MARCHF1: variants seen among roughly 807,000 people sequenced by gnomAD.
The protein encoded by MARCHF1 is E3 ubiquitin-protein ligase MARCHF1.
MARCHF1 carries 40 observed loss-of-function variants against 54.2 expected under a neutral mutation model. The observed-to-expected ratio is 0.74, with a 90% CI of 0.57 to 0.96. MARCHF1 has a LOEUF of 0.96. Ranked by LOEUF, MARCHF1 falls within the 40% of genes least tolerant of loss-of-function variation. The probability of loss-of-function intolerance (pLI) is 0.00; values close to 1 mark genes in which losing one functional copy is unlikely to be tolerated. For missense variants in MARCHF1, 586 were observed against 656.5 expected, an observed-to-expected ratio of 0.89 and a Z score of 1.17; for synonymous variants, 236 against 236.3, an observed-to-expected ratio of 1.00 and a Z score of 0.01.
intron 1 of MARCHF1, among the ~76,000 whole-genome samples, chr4:164,216,009 C>T (rs552184932): frequency 2.0e-5 from 3 of 152,288 alleles, no homozygotes; most frequent in African/African-American, 7.2e-5. Flanking sequence ...TAGGTTCTCA[C>T]ATAATGCCTA....
At chr4:164,302,906 A>G (rs1734600825) in intron 1 of MARCHF1, among the ~76,000 whole-genome samples, 1 of 148,846 alleles carries the variant, frequency 6.7e-6, no homozygotes, top group Non-Finnish European at 1.5e-5. Flanking sequence ...TCTATTTCGC[A>G]TGCTATTAAA....
At chr4:163,585,358 T>TA (rs1740374037) in intron 8 of MARCHF1, 2 of 153,588 alleles carry the variant, frequency 1.3e-5, no homozygotes, top group Non-Finnish European at 2.9e-5. Flanking sequence ...TGATGTTGTT[T>TA]AAGGCAATGT....
intron 3 of MARCHF1, among the ~76,000 whole-genome samples, chr4:163,986,818 C>T (rs948892407): frequency 3.9e-5 from 6 of 152,170 alleles, no homozygotes; most frequent in Non-Finnish European, 5.9e-5. Flanking sequence ...TAAGCCATCT[C>T]AATTTATCTA....
chr4:163,918,126 C>G (rs1751349833), intron 3 of MARCHF1, among the ~76,000 whole-genome samples: 1 of 152,122 alleles, frequency 6.6e-6, no homozygotes, highest in Non-Finnish European at 1.5e-5. Flanking sequence ...AGCCAGTTCT[C>G]CCAGCATCAT....
chr4:164,194,755 T>G (rs1166541332), intron 1 of MARCHF1, among the ~76,000 whole-genome samples: 1 of 152,170 alleles, frequency 6.6e-6, no homozygotes, highest in Non-Finnish European at 1.5e-5. Flanking sequence ...TCAGAAATTC[T>G]AAAGTAAATT....
intron 8 of MARCHF1, among the ~76,000 whole-genome samples, chr4:163,552,054 C>T (rs1383488827): frequency 6.6e-6 from 1 of 152,126 alleles, no homozygotes; most frequent in East Asian, 1.9e-4. Context: ...CTCTGTGAGT[C>T]TATCATTTCC....
rs11345775 is a variant in MARCHF1, at chr4:164,256,432, TAA to T, written c.-323+127436_-323+127437del. The stretch of plus-strand genomic sequence containing the variant: ...GAACTAACTTGTAGCACAAGAAGCT[TAA>T]AAAAAAAAAAAAAAGAAAGAAAAGA... On this transcript the variant is annotated intron_variant, in intron 1 of 9. Coordinates refer to ENST00000514618, the MANE Select transcript of MARCHF1 (RefSeq NM_001394959.1). 6.3e-3 allele frequency among the ~76,000 whole-genome samples: 767 copies of T among 121,814 alleles called. 6 individuals are homozygous for T. Among genetic ancestry groups the T allele is most frequent in the South Asian group, 0.019 (74 of 3,808 alleles). 79.9% of individuals were successfully genotyped at this position (121,814 alleles called of 152,430 possible). A position where few individuals can be genotyped will look rare whatever the true frequency, so the allele number is the denominator to read the frequency against.
At chr4:164,151,307 G>T (rs1054488885) in intron 1 of MARCHF1, among the ~76,000 whole-genome samples, 2 of 152,160 alleles carry the variant, frequency 1.3e-5, no homozygotes, top group African/African-American at 2.4e-5. Context: ...AAGATTGGTT[G>T]CAAGTCCATT....
At chr4:164,108,478 G>A (rs1472479406) in intron 2 of MARCHF1, among the ~76,000 whole-genome samples, 1 of 151,804 alleles carries the variant, frequency 6.6e-6, no homozygotes, top group Non-Finnish European at 1.5e-5. Context: ...AGTTTAAGGT[G>A]TTGTGAAAGA....
chr4:164,092,628 CA>C (rs2111136177), intron 2 of MARCHF1, among the ~76,000 whole-genome samples: 1 of 152,194 alleles, frequency 6.6e-6, no homozygotes, highest in East Asian at 1.9e-4. Context: ...TTACATTTAC[CA>C]AAACTTTCGT....
chr4:163,919,394 T>G (rs1751376127), intron 3 of MARCHF1, among the ~76,000 whole-genome samples: 1 of 151,810 alleles, frequency 6.6e-6, no homozygotes, highest in South Asian at 2.1e-4. Context: ...AATGGAACAC[T>G]TGAAATATTG....
chr4:164,140,239 C>CTATATA (rs70948702), intron 1 of MARCHF1, among the ~76,000 whole-genome samples: 21,238 of 147,194 alleles, frequency 0.14, 1,798 homozygotes, highest in Non-Finnish European at 0.2. Flanking sequence ...TACACACACA[C>CTATATA]TATATATATA....
At chr4:164,289,599 A>AG (rs1331389241) in intron 1 of MARCHF1, among the ~76,000 whole-genome samples, 1 of 151,614 alleles carries the variant, frequency 6.6e-6, no homozygotes, top group Non-Finnish European at 1.5e-5. Flanking sequence ...AAAAAAAAAA[A>AG]AAAAAACCTG....
chr4:163,662,945 G>C (rs564988394), intron 5 of MARCHF1, among the ~76,000 whole-genome samples: 1 of 151,240 alleles, frequency 6.6e-6, no homozygotes, highest in Admixed American at 6.6e-5. Flanking sequence ...TCTTCAGAGA[G>C]ATTGTGTTTG....
intron 3 of MARCHF1, among the ~76,000 whole-genome samples, chr4:163,902,996 C>T (rs1453618346): frequency 1.3e-5 from 2 of 152,066 alleles, no homozygotes; most frequent in African/African-American, 2.4e-5. Context: ...TCCAAATACA[C>T]CTCTTTCCTT....
intron 1 of MARCHF1, among the ~76,000 whole-genome samples, chr4:164,278,850 A>ATTTTATT (rs1733952195): frequency 6.6e-6 from 1 of 152,122 alleles, no homozygotes; most frequent in Admixed American, 6.5e-5. Flanking sequence ...TGATTATTGT[A>ATTTTATT]TTTTATTTTT....
intron 3 of MARCHF1, among the ~76,000 whole-genome samples, chr4:163,861,831 A>G (rs1253862671): frequency 6.6e-6 from 1 of 150,456 alleles, no homozygotes; most frequent in Non-Finnish European, 1.5e-5. Flanking sequence ...AATTTACTAT[A>G]AAGTTACAGT....
intron 4 of MARCHF1, among the ~76,000 whole-genome samples, chr4:163,811,857 C>T (rs910452474): frequency 2.0e-5 from 3 of 152,024 alleles, no homozygotes; most frequent in African/African-American, 7.2e-5. Context: ...CTTGACTGGG[C>T]CATGGGATGT....
chr4:163,649,754 C>A (rs1742899141), intron 5 of MARCHF1, among the ~76,000 whole-genome samples: 1 of 150,992 alleles, frequency 6.6e-6, no homozygotes, highest in South Asian at 2.1e-4. Context: ...TCTCCTTGTT[C>A]ATGCCTGGTT....
Sources: gnomAD v4.1 joint callset for allele counts (sites outside exome capture counted in the v4.1 genomes callset) on GRCh38, gnomAD v4.1.1 for gene constraint, MANE v1.5 for transcripts, NCBI Gene and HGNC (gene_info 2026-07-23, HGNC 2026-07-21) for gene names.